The following NKAIN2 variants were observed in gnomAD, a reference collection of about 807,000 sequenced individuals.
NKAIN2 encodes the protein sodium/potassium-transporting ATPase subunit beta-1-interacting protein 2.
In NKAIN2, 14 loss-of-function variants were observed where a neutral mutation model predicts 32.6. The ratio of observed to expected loss-of-function variants is 0.43; its 90% CI spans 0.28 to 0.67. The LOEUF is 0.67. Ranked by LOEUF, NKAIN2 falls within the 30% of genes least tolerant of loss-of-function variation. The pLI is 0.17. For synonymous variants in NKAIN2, 80 were observed against 87.2 expected (o/e 0.92, Z 0.46); for missense variants, 198 against 258.3 (o/e 0.77, Z 1.60).
chr6:124,812,835 C>T (rs887121234), intron 5 of NKAIN2, among the ~76,000 whole-genome samples: 5 of 151,894 alleles, frequency 3.3e-5, no homozygotes, highest in Non-Finnish European at 7.4e-5. Flanking sequence ...TGTTCAAAAA[C>T]TTGCCATGAA....
intron 3 of NKAIN2, among the ~76,000 whole-genome samples, chr6:124,458,739 G>T (rs550824695): frequency 1.3e-5 from 2 of 151,888 alleles, no homozygotes; most frequent in African/African-American, 2.4e-5. Flanking sequence ...AATATCTCCT[G>T]CAAAACTGGA....
At chr6:124,148,474 A>T (rs1399343741) in intron 1 of NKAIN2, among the ~76,000 whole-genome samples, 2 of 152,128 alleles carry the variant, frequency 1.3e-5, no homozygotes, top group African/African-American at 2.4e-5. Flanking sequence ...GCCTATCTGG[A>T]CATTTCATAT....
At chr6:123,927,004 A>AAT (rs1446099436) in intron 1 of NKAIN2, among the ~76,000 whole-genome samples, 1 of 152,202 alleles carries the variant, frequency 6.6e-6, no homozygotes, top group Non-Finnish European at 1.5e-5. Context: ...AAGATATGGC[A>AAT]ATATAATTAA....
intron 1 of NKAIN2, among the ~76,000 whole-genome samples, chr6:124,085,236 G>T (rs1350221005): frequency 6.6e-6 from 1 of 151,978 alleles, no homozygotes; most frequent in Non-Finnish European, 1.5e-5. Context: ...TGCAACTACT[G>T]AATTGAAATA....
At chr6:124,014,899 C>G (rs529231343) in intron 1 of NKAIN2, among the ~76,000 whole-genome samples, 1 of 152,224 alleles carries the variant, frequency 6.6e-6, no homozygotes, top group African/African-American at 2.4e-5. Flanking sequence ...TAACGTATCT[C>G]CCTCTAATGG....
intron 1 of NKAIN2, among the ~76,000 whole-genome samples, chr6:124,201,352 T>C (rs2114626059): frequency 6.6e-6 from 1 of 152,122 alleles, no homozygotes; most frequent in East Asian, 1.9e-4. Context: ...AACTTTTTGG[T>C]ATGATTAAGA....
At chr6:124,112,825 C>T (rs1010547669) in intron 1 of NKAIN2, among the ~76,000 whole-genome samples, 1 of 151,446 alleles carries the variant, frequency 6.6e-6, no homozygotes, top group East Asian at 2.0e-4. Context: ...CTGATACTTT[C>T]TTCTGCTTGA....
chr6:124,317,347 T>A (rs1796999055), intron 2 of NKAIN2, among the ~76,000 whole-genome samples: 1 of 152,130 alleles, frequency 6.6e-6, no homozygotes, highest in African/African-American at 2.4e-5. Context: ...TGAATCAAAG[T>A]CTGTGTCTGG....
At chr6:124,447,525 A>G (rs1051517617) in intron 3 of NKAIN2, among the ~76,000 whole-genome samples, 1 of 152,130 alleles carries the variant, frequency 6.6e-6, no homozygotes, top group African/African-American at 2.4e-5. Context: ...CAACAAAGGA[A>G]TACTCTGCTT....
intron 1 of NKAIN2, among the ~76,000 whole-genome samples, chr6:123,928,933 A>G (rs1283257274): frequency 6.6e-6 from 1 of 152,202 alleles, no homozygotes; most frequent in Non-Finnish European, 1.5e-5. Flanking sequence ...ATAGAAATGA[A>G]CAAACTATAG....
intron 3 of NKAIN2, among the ~76,000 whole-genome samples, chr6:124,362,595 T>C (rs568281543): frequency 6.6e-6 from 1 of 152,262 alleles, no homozygotes; most frequent in East Asian, 1.9e-4. Context: ...TCTTTACACA[T>C]ATGTCTACCA....
chr6:124,064,926 G>A (rs983555788), intron 1 of NKAIN2, among the ~76,000 whole-genome samples: 4 of 152,062 alleles, frequency 2.6e-5, no homozygotes, highest in African/African-American at 7.2e-5. Flanking sequence ...CCAATTAGTT[G>A]TCTATCTCTG....
At chr6:124,159,985 G>A (rs1014377410) in intron 1 of NKAIN2, among the ~76,000 whole-genome samples, 2 of 152,126 alleles carry the variant, frequency 1.3e-5, no homozygotes, top group Non-Finnish European at 2.9e-5. Flanking sequence ...TCTTGTTTTT[G>A]AAGGCATCAT....
intron 1 of NKAIN2, among the ~76,000 whole-genome samples, chr6:123,989,872 T>C (rs1779338181): frequency 6.6e-6 from 1 of 152,190 alleles, no homozygotes; most frequent in South Asian, 2.1e-4. Context: ...AAGTAAAATT[T>C]CCAGCAATAA....
intron 3 of NKAIN2, among the ~76,000 whole-genome samples, chr6:124,375,413 T>C (rs1562139170): frequency 6.8e-6 from 1 of 147,780 alleles, no homozygotes; most frequent in Non-Finnish European, 1.5e-5. Context: ...TATATATATA[T>C]GTATATAAAT....
chr6:123,945,440 G>A (rs374330108), intron 1 of NKAIN2, among the ~76,000 whole-genome samples: 84 of 152,170 alleles, frequency 5.5e-4, no homozygotes, highest in African/African-American at 2.0e-3. Context: ...TTAAATCTAA[G>A]GGCCTTTAAG....
intron 1 of NKAIN2, among the ~76,000 whole-genome samples, chr6:124,070,604 G>A (rs1562340450): frequency 6.6e-6 from 1 of 152,072 alleles, no homozygotes; most frequent in African/African-American, 2.4e-5. Flanking sequence ...CCATATTCCT[G>A]GGGTTTGATT....
chr6:124,773,151 C>T (rs1456911173), intron 4 of NKAIN2, among the ~76,000 whole-genome samples: 2 of 152,072 alleles, frequency 1.3e-5, no homozygotes, highest in Non-Finnish European at 2.9e-5. Context: ...GACTTAGTAA[C>T]CTGAATGTCA....
At position 123,837,213 on chromosome 6, in the gene NKAIN2, C is replaced by CT. The variant is rs559146193; in HGVS notation, c.54+32969dup. Among the ~76,000 whole-genome samples the CT allele has an allele frequency of 8.6e-4, 128 of 147,990 alleles. No individual in the cohort carries two copies. The South Asian group carries it at 0.01, about 12-fold the overall frequency. ...GCTGCATGTTTTATTTTATACCTGA[C>CT]TTTTTTTTTTCATTTAGAAATGTGT... On this transcript the variant is annotated intron_variant, in intron 1 of 6. Transcript: ENST00000368417.
Sources: allele counts gnomAD v4.1 joint callset (sites outside exome capture counted in the v4.1 genomes callset), GRCh38; gene constraint gnomAD v4.1.1; transcripts MANE v1.5; gene names NCBI Gene and HGNC (gene_info 2026-07-23, HGNC 2026-07-21).